CDH3: variants seen among roughly 807,000 people sequenced by gnomAD.
The protein encoded by CDH3 is cadherin 3.
A neutral mutation model predicts 82.0 loss-of-function variants in CDH3; 54 were observed. The ratio of observed to expected loss-of-function variants is 0.66; its 90% CI spans 0.53 to 0.83. The LOEUF is 0.83. CDH3 is among the 40% of genes least tolerant of loss of function. The pLI, the probability that CDH3 is intolerant of heterozygous loss-of-function variation, is 0.00. For missense variants in CDH3, 1,054 were observed against 1,084.6 expected (o/e 0.97, Z 0.40); for synonymous variants, 446 against 437.9 (o/e 1.02, Z -0.23).
chr16:68,683,524 C>T (rs1282593742), intron 9 of CDH3, among the ~76,000 whole-genome samples: 4 of 150,176 alleles, frequency 2.7e-5, no homozygotes, highest in African/African-American at 2.5e-5. Context: ...TGGTGGCAGG[C>T]GCCTGTAGTC....
intron 2 of CDH3, among the ~76,000 whole-genome samples, chr16:68,674,714 G>A (rs1039741299): frequency 6.6e-6 from 1 of 152,106 alleles, no homozygotes; most frequent in Non-Finnish European, 1.5e-5. Context: ...CAGCCTAAGT[G>A]ACAGAGTGAT....
At chr16:68,696,482 T>C in intron 15 of CDH3, 1 of 187,904 alleles carries the variant, frequency 5.3e-6, no homozygotes, top group Non-Finnish European at 1.1e-5. Flanking sequence ...TCTCAGAACT[T>C]TCAGAGGCCA....
chr16:68,724,556 G>A (rs886968827), intron 2 of CDH3, among the ~76,000 whole-genome samples: 12 of 151,864 alleles, frequency 7.9e-5, no homozygotes, highest in Non-Finnish European at 1.3e-4. Flanking sequence ...GGGCCCAGGA[G>A]TTCAAGGTTG....
At chr16:68,688,465 G>A (rs757723130) in intron 12 of CDH3, among the ~76,000 whole-genome samples, 2 of 152,072 alleles carry the variant, frequency 1.3e-5, no homozygotes, top group African/African-American at 2.4e-5. Flanking sequence ...GCATGTGCCC[G>A]TAGTCCCAGT....
intron 2 of CDH3, among the ~76,000 whole-genome samples, chr16:68,658,569 G>C (rs1960471434): frequency 6.6e-6 from 1 of 152,004 alleles, no homozygotes. Flanking sequence ...CTTCTGAGCG[G>C]CCTTTGCACA....
chr16:68,728,116 C>T (rs963048735), downstream of CDH3, among the ~76,000 whole-genome samples: 1 of 151,944 alleles, frequency 6.6e-6, no homozygotes, highest in Non-Finnish European at 1.5e-5. Context: ...ATAAATAAAA[C>T]GATAAGTGTT....
At chr16:68,690,627 G>A in intron 12 of CDH3, among the ~76,000 whole-genome samples, 1 of 150,374 alleles carries the variant, frequency 6.7e-6, no homozygotes, top group East Asian at 2.0e-4. Context: ...AAAAATTGAA[G>A]GCCGGGCACC....
downstream of CDH3, among the ~76,000 whole-genome samples, chr16:68,701,215 C>T (rs1961888652): frequency 1.3e-5 from 2 of 151,934 alleles, no homozygotes; most frequent in South Asian, 4.2e-4. Context: ...ATGTAGAGTC[C>T]CCTGGCAATG....
chr16:68,695,361 A>G lies in CDH3; in HGVS notation c.2109A>G (p.Glu703=). Reference sequence around the variant, plus strand: ...GTGACAACGTCTTCTACTATGGCGAAGAGGGGGGTGGCGAAGAGGACCAGG... The same window carrying G: ...GTGACAACGTCTTCTACTATGGCGAGGAGGGGGGTGGCGAAGAGGACCAGG... ...DTRDNVFYYG[E]EGGGEEDQDY... The change falls in exon 14 of 16, where the codon GAA becomes GAG. Residue 703 remains glutamate (E), a synonymous_variant. Transcript: ENST00000264012. 6.2e-7 allele frequency: 1 copy of G among 1,613,372 alleles called. No homozygotes were observed. Among genetic ancestry groups the G allele is most frequent in the Non-Finnish European group, 8.5e-7 (1 of 1,179,684 alleles).
At chr16:68,709,668 A>G (rs2152109817) in intron 1 of CDH3, among the ~76,000 whole-genome samples, 1 of 152,080 alleles carries the variant, frequency 6.6e-6, no homozygotes, top group Admixed American at 6.5e-5. Context: ...CATATTGGCT[A>G]GGCTGGTTTC....
Position 68,684,775 on chromosome 16 carries a change from G to A in CDH3, c.1375G>A (p.Val459Met), listed in dbSNP as rs1567451833. ...GGAGGGCATCCCCACTGGGGAGCCTGTGTGTGTCTACACTGCAGAAGACCC... is the reference window on the plus strand; with the variant it reads ...GGAGGGCATCCCCACTGGGGAGCCTATGTGTGTCTACACTGCAGAAGACCC... Reference protein sequence around the residue: ...VQEGIPTGEPVCVYTAEDPDK... With the variant: ...VQEGIPTGEPMCVYTAEDPDK... Residue 459 changes from valine to methionine, a missense_variant, in exon 10 of 16, where the codon GTG (valine) becomes ATG (methionine). Physicochemically the swap from Val to Met is conservative, Grantham distance 21 (BLOSUM62 1). Coordinates refer to ENST00000264012, the MANE Select transcript of CDH3 (RefSeq NM_001793.6). 6.2e-7 allele frequency: 1 copy of A among 1,614,192 alleles called. No individual in the cohort carries two copies. Among genetic ancestry groups the A allele is most frequent in the East Asian group, 2.2e-5 (1 of 44,882 alleles).
intron 2 of CDH3, among the ~76,000 whole-genome samples, chr16:68,661,035 A>G (rs1257356781): frequency 1.3e-5 from 2 of 152,102 alleles, no homozygotes; most frequent in Admixed American, 6.5e-5. Flanking sequence ...TTATATTCTC[A>G]TATGAATACA....
chr16:68,656,220 A>G (rs575006664), intron 2 of CDH3, among the ~76,000 whole-genome samples: 2 of 151,996 alleles, frequency 1.3e-5, no homozygotes, highest in East Asian at 1.9e-4. Context: ...TATGGAGACA[A>G]TGGCTGAAGT....
At chr16:68,657,506 T>A (rs1405755527) in intron 2 of CDH3, among the ~76,000 whole-genome samples, 2 of 152,258 alleles carry the variant, frequency 1.3e-5, no homozygotes, top group Admixed American at 1.3e-4. Flanking sequence ...AGAGCAAGAC[T>A]CTGTCTCAAA....
At chr16:68,683,651 CAAAAAAAAAAAAAAAA>C (rs1199101103) in intron 9 of CDH3, among the ~76,000 whole-genome samples, 1 of 69,886 alleles carries the variant, frequency 1.4e-5, no homozygotes, top group African/African-American at 6.5e-5. Flanking sequence ...GACTCTGTCT[CAAAAAAAAAAAAAAAA>C]AAAAAAAAAA....
chr16:68,729,102 C>T (rs758870487), downstream of CDH3, among the ~76,000 whole-genome samples: 1 of 151,962 alleles, frequency 6.6e-6, no homozygotes, highest in East Asian at 1.9e-4. Context: ...GTCAGGAGTT[C>T]GAGACCAGCC....
chr16:68,712,322 C>T (rs1368567717), intron 1 of CDH3, among the ~76,000 whole-genome samples: 1 of 151,972 alleles, frequency 6.6e-6, no homozygotes, highest in Non-Finnish European at 1.5e-5. Flanking sequence ...AGGCGTGAGC[C>T]ATCACACCCG....
Position 68,698,436 on chromosome 16 carries a change from G to T in CDH3, c.*36G>T. On this transcript the variant is annotated 3_prime_UTR_variant, in exon 16 of 16. Transcript: ENST00000264012. ...TGCAGGGCTGGGGACCAAACGTCAG[G>T]CCACAGAGCATCTCCAAGGGGTCTC... 6.3e-7 allele frequency: 1 copy of T among 1,591,434 alleles called. No individual in the cohort carries two copies. The highest frequency in any genetic ancestry group is 2.2e-5 in the East Asian group (1 of 44,784).
intron 1 of CDH3, among the ~76,000 whole-genome samples, chr16:68,706,304 C>T (rs1041202000): frequency 6.6e-6 from 1 of 151,720 alleles, no homozygotes; most frequent in Non-Finnish European, 1.5e-5. Context: ...GGGTGAGTCC[C>T]AGCCCAGGAG....
Sources: gnomAD v4.1 joint callset for allele counts (sites outside exome capture counted in the v4.1 genomes callset) on GRCh38, gnomAD v4.1.1 for gene constraint, MANE v1.5 for transcripts, NCBI Gene and HGNC (gene_info 2026-07-23, HGNC 2026-07-21) for gene names.